The following LNX1 variants were observed in gnomAD, a reference collection of about 807,000 sequenced individuals.
The protein encoded by LNX1 is ligand of numb-protein X 1, also known as E3 ubiquitin-protein ligase LNX.
Under a neutral mutation model 68.4 loss-of-function variants are expected in LNX1, and 54 were observed. The observed-to-expected ratio is 0.79, with a 90% CI of 0.63 to 0.99. The LOEUF is 0.99. LNX1 is among the 50% of genes least tolerant of loss of function. The probability of loss-of-function intolerance (pLI) is 0.00; values close to 1 mark genes in which losing one functional copy is unlikely to be tolerated. For synonymous variants in LNX1, 336 were observed against 350.0 expected, an observed-to-expected ratio of 0.96 and a Z score of 0.45; for missense variants, 906 against 926.4, an observed-to-expected ratio of 0.98 and a Z score of 0.29.
chr4:53,610,892 T>A (rs1396358297), intron 2 of LNX1, among the ~76,000 whole-genome samples: 1 of 151,922 alleles, frequency 6.6e-6, no homozygotes, highest in African/African-American at 2.4e-5. Flanking sequence ...TCTATACATG[T>A]CTATAACAAG....
At chr4:53,533,217 G>A (rs1166019288) in intron 2 of LNX1, among the ~76,000 whole-genome samples, 1 of 152,214 alleles carries the variant, frequency 6.6e-6, no homozygotes, top group Non-Finnish European at 1.5e-5. Context: ...AGCAGGGGCT[G>A]AGGCACACGG....
chr4:53,538,503 G>T (rs957433842), intron 2 of LNX1, among the ~76,000 whole-genome samples: 1 of 152,196 alleles, frequency 6.6e-6, no homozygotes, highest in Non-Finnish European at 1.5e-5. Flanking sequence ...AGGGTTCATC[G>T]TTGAAAAACC....
At chr4:53,547,573 G>A (rs2109684124) in intron 2 of LNX1, among the ~76,000 whole-genome samples, 1 of 152,210 alleles carries the variant, frequency 6.6e-6, no homozygotes, top group Non-Finnish European at 1.5e-5. Context: ...ACTTGTTTCT[G>A]GGGTCCCTGA....
chr4:53,485,163 T>A (rs1724200974), intron 6 of LNX1, among the ~76,000 whole-genome samples: 1 of 152,228 alleles, frequency 6.6e-6, no homozygotes, highest in Admixed American at 6.5e-5. Flanking sequence ...TAAGATTATC[T>A]TTGGGAACTC....
chr4:53,585,446 A>T (rs1295283744), intron 1 of LNX1, among the ~76,000 whole-genome samples: 1 of 152,172 alleles, frequency 6.6e-6, no homozygotes, highest in African/African-American at 2.4e-5. Flanking sequence ...GGGTAGAATG[A>T]GGGTCCCTGC....
chr4:53,495,221 C>A (rs748703447), intron 6 of LNX1, among the ~76,000 whole-genome samples: 1 of 151,658 alleles, frequency 6.6e-6, no homozygotes, highest in South Asian at 2.1e-4. Flanking sequence ...TCTCAAAATA[C>A]GAAGGTGAGT....
chr4:53,467,737 A>C (rs1233137367), intron 9 of LNX1, among the ~76,000 whole-genome samples: 1 of 152,254 alleles, frequency 6.6e-6, no homozygotes. Flanking sequence ...AAGAAAGGGT[A>C]TCAGCGATGG....
intron 9 of LNX1, 137 bp from the exon 10 acceptor site, chr4:53,461,730 G>T (rs534833917): frequency 3.5e-6 from 2 of 574,968 alleles, no homozygotes; most frequent in Non-Finnish European, 5.9e-6. Flanking sequence ...ACTCAAAATT[G>T]TATCATACCT....
At chr4:53,648,301 T>C (rs1734967325) in intron 1 of LNX1, among the ~76,000 whole-genome samples, 2 of 152,358 alleles carry the variant, frequency 1.3e-5, no homozygotes, top group Admixed American at 6.5e-5. Flanking sequence ...ATAGTAGCCA[T>C]GCTAATGGGT....
intron 6 of LNX1, among the ~76,000 whole-genome samples, chr4:53,482,508 TG>T (rs1424735735): frequency 6.6e-6 from 1 of 152,184 alleles, no homozygotes; most frequent in Non-Finnish European, 1.5e-5. Context: ...GTATATACCA[TG>T]GAATACTACT....
chr4:53,573,859 C>G lies in LNX1; in HGVS notation c.144G>C (p.Leu48Phe). Reference protein sequence around the residue: ...DLICHICLQALLDPLDTPCGH... With the variant: ...DLICHICLQAFLDPLDTPCGH... The stretch of plus-strand genomic sequence containing the variant: ...CACACGGAGTGTCCAGGGGGTCCAG[C>G]AAAGCCTGCAGGCAGATGTGGCAGA... Residue 48 changes from leucine to phenylalanine, a missense_variant, in exon 2 of 11, where the codon TTG becomes TTC. Transcript: ENST00000263925. 6.2e-7 allele frequency: 1 copy of G among 1,613,756 alleles called. No homozygotes were observed. Among genetic ancestry groups the G allele is most frequent in the Non-Finnish European group, 8.5e-7 (1 of 1,179,818 alleles).
At chr4:53,621,320 A>G (rs1560696942), upstream of LNX1, among the ~76,000 whole-genome samples, 1 of 152,164 alleles carries the variant, frequency 6.6e-6, no homozygotes, top group African/African-American at 2.4e-5. Flanking sequence ...GAGAAGTTGG[A>G]TGTCCCTTTT....
chr4:53,615,237 G>T (rs1733641652), intron 2 of LNX1, among the ~76,000 whole-genome samples: 1 of 152,196 alleles, frequency 6.6e-6, no homozygotes, highest in Admixed American at 6.5e-5. Flanking sequence ...TTTTAGGGTG[G>T]TTTCTTATGC....
Position 53,459,395 on chromosome 4 carries a change from G to A in LNX1, c.*1512C>T, listed in dbSNP as rs751358491. Reference sequence around the variant, plus strand: ...AAAGAAGCAAAGAAGGAAAAGAAGCGGGCAGTGAGCCTGCCCCTGAACAGG... The same window carrying A: ...AAAGAAGCAAAGAAGGAAAAGAAGCAGGCAGTGAGCCTGCCCCTGAACAGG... On this transcript the variant is annotated 3_prime_UTR_variant, in exon 11 of 11. Coordinates refer to ENST00000263925, the MANE Select transcript of LNX1 (RefSeq NM_001126328.3). The A allele has an allele frequency of 6.2e-6, 10 of 1,612,468 alleles. No homozygotes were observed. The highest frequency in any genetic ancestry group is 5.5e-5 in the South Asian group (5 of 91,054).
intron 1 of LNX1, chr4:53,576,406 C>T (rs2078148030): frequency 3.3e-6 from 5 of 1,527,202 alleles, no homozygotes; most frequent in Non-Finnish European, 4.4e-6. Flanking sequence ...ATGACCAGTC[C>T]TATTCAGGTC....
intron 2 of LNX1, among the ~76,000 whole-genome samples, chr4:53,604,817 G>C (rs1446668339): frequency 6.6e-6 from 1 of 152,202 alleles, no homozygotes; most frequent in Non-Finnish European, 1.5e-5. Flanking sequence ...GGGGAAGACA[G>C]GTCACAGGCC....
rs1346351459 is a variant in LNX1, at chr4:53,460,981, A to G, written c.2113T>C (p.Leu705=). Residue 705 remains leucine, a synonymous_variant, in exon 11 of 11, where the codon TTG becomes CTG. Coordinates refer to ENST00000263925, the MANE Select transcript of LNX1 (RefSeq NM_001126328.3). Reference sequence around the variant, plus strand: ...TTAAGTTCTTTCAGCAGTCTTGCCAAGCAAGCATGTATCATTCCTGATGTA... The same window carrying G: ...TTAAGTTCTTTCAGCAGTCTTGCCAGGCAAGCATGTATCATTCCTGATGTA... ...RSTSGMIHAC[L]ARLLKELKGR... is the part of the protein sequence containing the mutation. 2.5e-6 allele frequency: 4 copies of G among 1,610,086 alleles called. No individual in the cohort carries two copies. In the South Asian group the frequency reaches 4.4e-5, roughly 18 times the overall value.
chr4:53,591,807 C>T (rs1222874810), upstream of LNX1: 1 of 153,736 alleles, frequency 6.5e-6, no homozygotes, highest in Non-Finnish European at 1.4e-5. Flanking sequence ...CCAGGCCCTC[C>T]CCTTTCCCCA....
At chr4:53,513,457 A>T (rs987657276) in intron 2 of LNX1, among the ~76,000 whole-genome samples, 1 of 152,028 alleles carries the variant, frequency 6.6e-6, no homozygotes, top group African/African-American at 2.4e-5. Flanking sequence ...CCTGATCCCT[A>T]GACTCATATC....
Sources: allele counts gnomAD v4.1 joint callset (sites outside exome capture counted in the v4.1 genomes callset), GRCh38; gene constraint gnomAD v4.1.1; transcripts MANE v1.5; gene names NCBI Gene and HGNC (gene_info 2026-07-23, HGNC 2026-07-21).